DNAH1: variants seen among roughly 807,000 people sequenced by gnomAD.
DNAH1 encodes axonemal beta dynein heavy chain 1.
In DNAH1, 327 loss-of-function variants were observed where a neutral mutation model predicts 484.3. The observed-to-expected ratio is 0.68, with a 90% CI of 0.62 to 0.74. DNAH1 has a LOEUF of 0.74. Among genes scored for constraint, DNAH1 ranks in the 30% least tolerant of loss-of-function variants. The probability of loss-of-function intolerance (pLI) is 0.00; values close to 1 mark genes in which losing one functional copy is unlikely to be tolerated. For synonymous variants in DNAH1, 2,192 were observed against 2,191.9 expected (o/e 1.00, Z 0.00); for missense variants, 5,052 against 5,546.8 (o/e 0.91, Z 2.83).
Position 52,345,696 on chromosome 3 carries a change from CCTT to C in DNAH1, c.1649_1651del (p.Phe550del). The C allele has an allele frequency of 6.2e-7, 1 of 1,612,490 alleles. No homozygotes were observed. Among genetic ancestry groups the C allele is most frequent in the Middle Eastern group, 1.7e-4 (1 of 6,058 alleles). On this transcript the variant is annotated inframe_deletion, in exon 10 of 78. Coordinates refer to ENST00000420323, the MANE Select transcript of DNAH1 (RefSeq NM_015512.5). ...GAATTTGAGCAGATCCAGTCACAGA[CCTT>C]CTCCCAGGTTTGTGGGCATCAAGGG... is the stretch of plus-strand genomic sequence containing the variant.
In DNAH1 at chr3:52,329,287, TG is replaced by T. The variant is rs573773846; in HGVS notation, c.871+1274del. 2.0e-5 allele frequency among the ~76,000 whole-genome samples: 3 copies of T among 152,142 alleles called. No individual in the cohort carries two copies. The South Asian group carries it at 6.2e-4, about 32-fold the overall frequency. ...GGGAGAGGCTCTGCTGGGGACCTCT[TG>T]TTTTCTGCTGGGAGCTTCCAGTGAC... On this transcript the variant is annotated intron_variant, in intron 6 of 77. Transcript: ENST00000420323.
At chr3:52,311,025 G>T in the DNAH1 span, among the ~76,000 whole-genome samples, 1 of 152,216 alleles carries the variant, frequency 6.6e-6, no homozygotes, top group African/African-American at 2.4e-5. Context: ...AGGGTTGACT[G>T]TTTCTACACA....
intron 20 of DNAH1, among the ~76,000 whole-genome samples, chr3:52,354,324 C>T (rs1702517844): frequency 6.6e-6 from 1 of 152,238 alleles, no homozygotes; most frequent in Non-Finnish European, 1.5e-5. Context: ...CGTACAACCA[C>T]ATGCAGCACA....
rs1253818620 is a variant in DNAH1 at position 52,353,790 on chromosome 3, A to C, written c.3480+157A>C. On this transcript the variant is annotated intron_variant, in intron 20 of 77. Transcript: ENST00000420323. The surrounding 1 kb of genome is among the most constrained non-coding windows in gnomAD (Gnocchi z 5.0). ...GGGTTGAGATGCATTCTATTAAGTG[A>C]GTTAATAATGCACATAAAATTCTTG... is the stretch of plus-strand genomic sequence containing the variant. 1.0e-6 allele frequency: 1 copy of C among 959,874 alleles called. No homozygotes were observed. Among genetic ancestry groups the C allele is most frequent in the African/African-American group, 1.6e-5 (1 of 61,000 alleles). The allele number at this position is 959,874 out of a possible 1,614,324, so 59.5% of individuals were successfully genotyped here.
At chr3:52,334,193 T>C (rs978091729) in intron 8 of DNAH1, among the ~76,000 whole-genome samples, 3 of 152,210 alleles carry the variant, frequency 2.0e-5, no homozygotes, top group Non-Finnish European at 4.4e-5. Context: ...ATACAGGCTG[T>C]GATTACTGAA....
chr3:52,360,058 T>C lies in DNAH1; in HGVS notation c.4550T>C (p.Phe1517Ser), dbSNP rs1702791720. 6.2e-7 allele frequency: 1 copy of C among 1,613,718 alleles called. No homozygotes were observed. Among genetic ancestry groups the C allele is most frequent in the African/African-American group, 1.3e-5 (1 of 74,926 alleles). ...GAGAACGTGGTCAGCGTGAATGACT[T>C]CCAGTGGATCTCACAGCTGAGGTGA... ...IQENVVSVND[F>S]QWISQLRYYW... The change falls in exon 27 of 78, where the codon TTC becomes TCC. Residue 1517 changes from phenylalanine (F) to serine (S), a missense_variant. By Grantham distance (155) the Phe-to-Ser change is radical. Transcript: ENST00000420323.
At chr3:52,326,919 G>A (rs912357753) in intron 5 of DNAH1, 28 bp downstream of exon 5, 1 of 1,606,002 alleles carries the variant, frequency 6.2e-7, no homozygotes. Context: ...AGATGGTTGA[G>A]AGACAGGGGC....
chr3:52,388,663 C>T, intron 58 of DNAH1, 54 bp downstream of exon 58: 1 of 1,610,564 alleles, frequency 6.2e-7, no homozygotes, highest in Non-Finnish European at 8.5e-7. Flanking sequence ...AGACAGGGGC[C>T]AGAAAGGACC....
intron 65 of DNAH1, 51 bp downstream of exon 65, chr3:52,393,076 A>C (rs1704468175): frequency 6.3e-7 from 1 of 1,581,432 alleles, no homozygotes; most frequent in Non-Finnish European, 8.6e-7. Flanking sequence ...ACCCATGTGG[A>C]CACATTTCCA....
At chr3:52,346,830 A>T (rs1487763299) in intron 11 of DNAH1, 60 bp downstream of exon 11, 13 of 1,530,384 alleles carry the variant, frequency 8.5e-6, no homozygotes, top group Non-Finnish European at 1.2e-5. Context: ...CCTGCTGGGG[A>T]TGGAGCAGGG....
chr3:52,380,068 T>G lies in DNAH1; in HGVS notation c.7541T>G (p.Leu2514Arg). 9 of 1,605,652 alleles carry G rather than the reference T, an allele frequency of 5.6e-6. No homozygotes were observed. Among genetic ancestry groups the G allele is most frequent in the Non-Finnish European group, 7.7e-6 (9 of 1,176,108 alleles). The change falls in exon 48 of 78, where the codon CTT becomes CGT. Residue 2514 changes from leucine to arginine, a missense_variant. Physicochemically the swap from Leu to Arg is moderately radical, Grantham distance 102 (BLOSUM62 -2). This residue lies in a region of DNAH1 where 2,929 missense variants were observed against 3,409.4 expected (regional missense o/e 0.86). Transcript: ENST00000420323. ...FNKVCPFQPI[L>R]YGDFMSPGSD... Reference sequence around the variant, plus strand: ...AAGGTCTGCCCCTTCCAGCCCATTCTTTACGGGGACTTCATGTCACCAGGC... The same window carrying G: ...AAGGTCTGCCCCTTCCAGCCCATTCGTTACGGGGACTTCATGTCACCAGGC...
intron 6 of DNAH1, 70 bp downstream of exon 6, chr3:52,328,084 C>T: frequency 1.3e-6 from 2 of 1,580,124 alleles, no homozygotes; most frequent in Non-Finnish European, 8.6e-7. Context: ...GACTCCTGGG[C>T]TCCCCTGGGA....
intron 8 of DNAH1, among the ~76,000 whole-genome samples, chr3:52,343,170 A>G (rs1702012322): frequency 1.3e-5 from 2 of 152,110 alleles, no homozygotes; most frequent in South Asian, 2.1e-4. Context: ...GAGGGAAGAG[A>G]TGAGGATGGG....
At chr3:52,357,043 T>G (rs1209488152) in intron 22 of DNAH1, among the ~76,000 whole-genome samples, 1 of 151,420 alleles carries the variant, frequency 6.6e-6, no homozygotes, top group Non-Finnish European at 1.5e-5. Flanking sequence ...TTTTTTTGTT[T>G]TTTTTTTTGA....
Position 52,397,013 on chromosome 3 carries a change from AC to A in DNAH1, c.11758del (p.His3920ThrfsTer68). ...PEHSYSASGI[Y>X]HQIPPTYDLH... ...CACAGCTACAGCGCCTCGGGCATCT[AC>A]CACCAGATCCCGCCTACCTACGACC... On this transcript the variant is annotated frameshift_variant, in exon 73 of 78. Transcript: ENST00000420323. LOFTEE classifies it high-confidence loss of function. 1 of 1,609,960 alleles carries A rather than the reference AC, an allele frequency of 6.2e-7. No homozygotes were observed.
chr3:52,312,403 G>A (rs926511605), upstream of DNAH1, among the ~76,000 whole-genome samples: 15 of 152,104 alleles, frequency 9.9e-5, no homozygotes, highest in African/African-American at 3.6e-4. Context: ...GCTTAGGTTT[G>A]GAGATGACAT....
chr3:52,391,696 A>G (rs1704395311), intron 63 of DNAH1, 93 bp downstream of exon 63: 1 of 1,444,934 alleles, frequency 6.9e-7, no homozygotes, highest in Non-Finnish European at 9.5e-7. Context: ...AGTCAGTGGG[A>G]CTTTCCCCCA....
Position 52,357,978 on chromosome 3 carries a change from G to C in DNAH1, c.4061G>C (p.Arg1354Pro). 7 of 1,611,794 alleles carry C rather than the reference G, an allele frequency of 4.3e-6. No homozygotes were observed. The highest frequency in any genetic ancestry group is 5.9e-6 in the Non-Finnish European group (7 of 1,178,932). The change falls in exon 24 of 78, where the codon CGC becomes CCC. Residue 1354 changes from arginine to proline, a missense_variant. Around this residue, in one of 4 missense-constraint regions of DNAH1, gnomAD observed 2,929 missense variants for 3,409.4 expected, o/e 0.86. Coordinates refer to ENST00000420323, the MANE Select transcript of DNAH1 (RefSeq NM_015512.5). ...CCCACGGCCGTGCAGCCACACCTGC[G>C]CAAGTGCTTCGAGAACATCGCTCGG... ...KDPTAVQPHL[R>P]KCFENIARLL...
chr3:52,395,321 C>T lies in DNAH1; in HGVS notation c.10982C>T (p.Ser3661Leu). Residue 3661 changes from serine to leucine, a missense_variant, in exon 69 of 78, where the codon TCA (serine) becomes TTA (leucine). Transcript: ENST00000420323. The surrounding 1 kb of genome is among the most constrained non-coding windows in gnomAD (Gnocchi z 4.4). ...RFIEPQTANL[S>L]VVFKDSNSTT... ...CTGCCCTTGCAGACAGCCAATCTGT[C>T]AGTGGTGTTCAAAGACTCCAACTCC... 1 of 1,613,514 alleles carries T rather than the reference C, an allele frequency of 6.2e-7. No individual in the cohort carries two copies. Among genetic ancestry groups the T allele is most frequent in the South Asian group, 1.1e-5 (1 of 90,984 alleles).
Sources: allele counts gnomAD v4.1 joint callset (sites outside exome capture counted in the v4.1 genomes callset), GRCh38; gene constraint gnomAD v4.1.1; regional missense constraint gnomAD v4.1.1; non-coding constraint Gnocchi (gnomAD v3.1); transcripts MANE v1.5; gene names NCBI Gene and HGNC (gene_info 2026-07-23, HGNC 2026-07-21).